The following CDKAL1 variants were observed in gnomAD, a reference collection of about 807,000 sequenced individuals.
The protein encoded by CDKAL1 is threonylcarbamoyladenosine tRNA methylthiotransferase.
CDKAL1 carries 32 observed loss-of-function variants against 68.2 expected under a neutral mutation model. The ratio of observed to expected loss-of-function variants is 0.47; its 90% CI spans 0.35 to 0.63. The LOEUF is 0.63. Ranked by LOEUF, CDKAL1 falls within the 30% of genes least tolerant of loss-of-function variation. The pLI is 0.00. For missense variants in CDKAL1, 606 were observed against 696.7 expected (o/e 0.87, Z 1.47); for synonymous variants, 234 against 244.3 (o/e 0.96, Z 0.39).
At chr6:20,866,179 T>C (rs1042697457) in intron 9 of CDKAL1, among the ~76,000 whole-genome samples, 2 of 152,140 alleles carry the variant, frequency 1.3e-5, no homozygotes, top group East Asian at 1.9e-4. Context: ...CCTTGACAGA[T>C]TGAACCCAAA....
At chr6:20,880,232 T>C (rs932804886) in intron 9 of CDKAL1, among the ~76,000 whole-genome samples, 3 of 149,556 alleles carry the variant, frequency 2.0e-5, no homozygotes, top group Non-Finnish European at 4.4e-5. Flanking sequence ...GTATTACTTT[T>C]TTTATTCCAT....
chr6:20,635,009 A>T (rs1343823089), intron 4 of CDKAL1, among the ~76,000 whole-genome samples: 1 of 151,830 alleles, frequency 6.6e-6, no homozygotes, highest in African/African-American at 2.4e-5. Context: ...GAAGAAAGAA[A>T]AAAAGGATGA....
chr6:20,986,626 A>T (rs1402470356), intron 10 of CDKAL1, among the ~76,000 whole-genome samples: 1 of 141,838 alleles, frequency 7.1e-6, no homozygotes, highest in African/African-American at 2.6e-5. Flanking sequence ...CTTTAACAAA[A>T]TGTGTAGTAA....
In CDKAL1 at chr6:21,172,661, G is replaced by C. The variant is rs190366250; in HGVS notation, c.1300-25360G>C. On this transcript the variant is annotated intron_variant, in intron 13 of 15. Coordinates refer to ENST00000274695, the MANE Select transcript of CDKAL1 (RefSeq NM_017774.3). ...AGTCCCAGCTACTCAGAAGGCTGAGGGGGGAGGATCGCTTCAGCCCAGGAT... is the reference window on the plus strand; with the variant it reads ...AGTCCCAGCTACTCAGAAGGCTGAGCGGGGAGGATCGCTTCAGCCCAGGAT... Among the ~76,000 whole-genome samples, 189 of 152,308 alleles carry C rather than the reference G, an allele frequency of 1.2e-3. 1 individual carries two copies. Among genetic ancestry groups the C allele is most frequent in the African/African-American group, 4.3e-3 (179 of 41,562 alleles).
intron 5 of CDKAL1, among the ~76,000 whole-genome samples, chr6:20,705,983 A>AGGGCAGCAGCAGACCGTCTCCAT (rs1771576531): frequency 6.6e-6 from 1 of 152,122 alleles, no homozygotes; most frequent in Admixed American, 6.5e-5. Flanking sequence ...CACTCTTCCA[A>AGGGCAGCAGCAGACCGTCTCCAT]GGGCAGCAGC....
At chr6:20,843,599 T>C (rs1006532205) in intron 8 of CDKAL1, among the ~76,000 whole-genome samples, 1 of 152,198 alleles carries the variant, frequency 6.6e-6, no homozygotes, top group African/African-American at 2.4e-5. Flanking sequence ...CATAATATTT[T>C]AAAAATAATT....
chr6:20,661,059 A>G (rs903920519), intron 5 of CDKAL1, among the ~76,000 whole-genome samples: 6 of 152,128 alleles, frequency 3.9e-5, no homozygotes, highest in African/African-American at 1.4e-4. Context: ...AGTGAAAAAG[A>G]TCTAAAAGGA....
intron 13 of CDKAL1, among the ~76,000 whole-genome samples, chr6:21,193,484 A>G (rs1324550164): frequency 6.6e-6 from 1 of 152,154 alleles, no homozygotes; most frequent in African/African-American, 2.4e-5. Flanking sequence ...CTCCCCTTCA[A>G]CAGCCCTACT....
At chr6:20,575,567 A>G (rs928991283) in intron 4 of CDKAL1, among the ~76,000 whole-genome samples, 6 of 152,082 alleles carry the variant, frequency 3.9e-5, no homozygotes, top group Admixed American at 6.6e-5. Flanking sequence ...TTGAGGTTGT[A>G]ATATATTTTT....
At chr6:21,103,533 A>C (rs760319537) in intron 12 of CDKAL1, among the ~76,000 whole-genome samples, 7 of 152,180 alleles carry the variant, frequency 4.6e-5, no homozygotes, top group Non-Finnish European at 7.3e-5. Context: ...ACAGAGGTTC[A>C]GATTCTCGGG....
intron 11 of CDKAL1, among the ~76,000 whole-genome samples, chr6:21,028,597 C>A (rs1769090228): frequency 1.3e-5 from 2 of 152,140 alleles, no homozygotes; most frequent in Admixed American, 1.3e-4. Context: ...ATTCTATCAG[C>A]TCAGGGCTCC....
intron 8 of CDKAL1, among the ~76,000 whole-genome samples, chr6:20,807,546 T>C (rs1234295058): frequency 1.3e-5 from 2 of 152,198 alleles, no homozygotes; most frequent in Non-Finnish European, 2.9e-5. Context: ...TGAAAAGAAC[T>C]GCCCTTCTCT....
intron 5 of CDKAL1, among the ~76,000 whole-genome samples, chr6:20,714,691 C>T (rs1477730619): frequency 6.6e-6 from 1 of 152,046 alleles, no homozygotes; most frequent in Non-Finnish European, 1.5e-5. Context: ...TGAAAATTGG[C>T]AGACTTTTGC....
chr6:20,676,765 T>C (rs949165604), intron 5 of CDKAL1, among the ~76,000 whole-genome samples: 2 of 152,130 alleles, frequency 1.3e-5, no homozygotes, highest in Non-Finnish European at 2.9e-5. Flanking sequence ...TATACAATAC[T>C]TACTACTGTG....
chr6:20,932,013 T>C (rs1763485073), intron 9 of CDKAL1, among the ~76,000 whole-genome samples: 1 of 152,252 alleles, frequency 6.6e-6, no homozygotes, highest in East Asian at 1.9e-4. Flanking sequence ...TTGTATCATA[T>C]GCTTATCTCT....
At chr6:21,180,256 T>C (rs1222773418) in intron 13 of CDKAL1, among the ~76,000 whole-genome samples, 2 of 152,188 alleles carry the variant, frequency 1.3e-5, no homozygotes, top group African/African-American at 2.4e-5. Context: ...AATCAAATTT[T>C]CTCCATCTGA....
intron 5 of CDKAL1, among the ~76,000 whole-genome samples, chr6:20,733,981 T>C (rs1773071508): frequency 6.6e-6 from 1 of 151,856 alleles, no homozygotes. Context: ...AAACCCCGTC[T>C]CTACTAAAAA....
chr6:20,634,274 A>G (rs371821898), intron 4 of CDKAL1, among the ~76,000 whole-genome samples: 1 of 152,228 alleles, frequency 6.6e-6, no homozygotes. Flanking sequence ...TTTGGGGGAC[A>G]TACAAATTTA....
intron 13 of CDKAL1, among the ~76,000 whole-genome samples, chr6:21,197,724 GC>G (rs1465499231): frequency 6.6e-5 from 10 of 152,136 alleles, no homozygotes; most frequent in Non-Finnish European, 1.0e-4. Flanking sequence ...TGTCATAGAA[GC>G]TTTAATTATC....
Sources: gnomAD v4.1 joint callset for allele counts (sites outside exome capture counted in the v4.1 genomes callset) on GRCh38, gnomAD v4.1.1 for gene constraint, MANE v1.5 for transcripts, NCBI Gene and HGNC (gene_info 2026-07-23, HGNC 2026-07-21) for gene names.